Variants in LZTS1 observed in about 807,000 individuals in gnomAD.
LZTS1 encodes leucine zipper putative tumor suppressor 1.
In LZTS1, 31 loss-of-function variants were observed where a neutral mutation model predicts 45.8. The observed-to-expected ratio is 0.68, with a 90% CI of 0.51 to 0.91. The LOEUF is 0.91. LZTS1 is among the 40% of genes least tolerant of loss of function. The probability of loss-of-function intolerance (pLI) is 0.00; values close to 1 mark genes in which losing one functional copy is unlikely to be tolerated. For missense variants in LZTS1, 821 were observed against 788.9 expected (o/e 1.04, Z -0.49); for synonymous variants, 359 against 357.3 (o/e 1.00, Z -0.05).
intron 1 of LZTS1, among the ~76,000 whole-genome samples, chr8:20,290,999 C>G (rs1800891448): frequency 1.3e-5 from 2 of 152,224 alleles, no homozygotes; most frequent in Admixed American, 1.3e-4. Context: ...CAACCTTCTC[C>G]CCTCAGCTCC....
chr8:20,281,468 G>C (rs943385233), intron 1 of LZTS1, among the ~76,000 whole-genome samples: 4 of 152,264 alleles, frequency 2.6e-5, no homozygotes, highest in Middle Eastern at 3.4e-3. Flanking sequence ...AGCTACTCGG[G>C]AGGCCGAGGC....
chr8:20,298,957 G>T (rs1299268425), intron 1 of LZTS1, among the ~76,000 whole-genome samples: 1 of 152,204 alleles, frequency 6.6e-6, no homozygotes, highest in African/African-American at 2.4e-5. Context: ...ATGGCAAAAG[G>T]AGCTAACTAG....
At chr8:20,292,131 G>A (rs552805744) in intron 1 of LZTS1, among the ~76,000 whole-genome samples, 5 of 152,254 alleles carry the variant, frequency 3.3e-5, no homozygotes, top group African/African-American at 7.2e-5. Context: ...AGATGAAAAC[G>A]CCTGAGCGGG....
At position 20,301,892 on chromosome 8, in the gene LZTS1, TATAA is replaced by T. The variant is rs559842495; in HGVS notation, c.-135+1844_-135+1847del. ...ACCTCGTGAAGCACACAGCCGCTGC[TATAA>T]ATGTTAACTAACAACCATCTTCAGC... On this transcript the variant is annotated intron_variant, in intron 1 of 3. Transcript: ENST00000381569. 8.5e-5 allele frequency among the ~76,000 whole-genome samples: 13 copies of T among 152,274 alleles called. No homozygotes were observed. In the East Asian group the frequency reaches 1.2e-3, roughly 14 times the overall value.
At chr8:20,255,376 T>G in intron 1 of LZTS1, 61 bp from the exon 2 acceptor site, 1 of 1,213,604 alleles carries the variant, frequency 8.2e-7, no homozygotes, top group Non-Finnish European at 1.1e-6. Flanking sequence ...ACAGTGCTGA[T>G]TCCGACTTCC....
chr8:20,270,797 CTCTGTGTGTG>C (rs1420472646), intron 1 of LZTS1, among the ~76,000 whole-genome samples: 28 of 99,410 alleles, frequency 2.8e-4, no homozygotes, highest in South Asian at 7.5e-4. Context: ...CGAGTGTGTC[CTCTGTGTGTG>C]TGTGTGTGTG....
chr8:20,252,747 G>A (rs750425594), intron 3 of LZTS1, 35 bp downstream of exon 3: 63 of 1,479,608 alleles, frequency 4.3e-5, no homozygotes, highest in Non-Finnish European at 5.5e-5. Context: ...CCAAACCGCT[G>A]ACCACCCAAA....
intron 1 of LZTS1, among the ~76,000 whole-genome samples, chr8:20,289,642 T>G (rs1211467965): frequency 6.6e-6 from 1 of 152,210 alleles, no homozygotes; most frequent in Non-Finnish European, 1.5e-5. Context: ...TCTCCTGTCC[T>G]GGGACCTCCC....
intron 1 of LZTS1, among the ~76,000 whole-genome samples, chr8:20,264,487 C>T (rs1800307998): frequency 6.6e-6 from 1 of 152,160 alleles, no homozygotes. Flanking sequence ...AAGGCAGCGG[C>T]AGTGAGACAG....
intron 1 of LZTS1, among the ~76,000 whole-genome samples, chr8:20,281,406 A>G (rs1800689569): frequency 8.7e-5 from 1 of 11,478 alleles, no homozygotes; most frequent in Non-Finnish European, 2.8e-4. Flanking sequence ...CTAAAAATAC[A>G]AAAAAAAAAA....
At chr8:20,262,134 C>T (rs915883088) in intron 1 of LZTS1, among the ~76,000 whole-genome samples, 14 of 152,210 alleles carry the variant, frequency 9.2e-5, no homozygotes, top group African/African-American at 3.1e-4. Flanking sequence ...TTTGCAGGCC[C>T]ACAACGATGC....
chr8:20,290,120 G>A (rs1267703352), intron 1 of LZTS1: 1 of 152,220 alleles, frequency 6.6e-6, no homozygotes, highest in Non-Finnish European at 1.5e-5. Flanking sequence ...CCCCGTGTTG[G>A]TGGAGACACT....
chr8:20,280,195 G>T (rs1050540714), intron 1 of LZTS1, among the ~76,000 whole-genome samples: 2 of 152,064 alleles, frequency 1.3e-5, no homozygotes, highest in Non-Finnish European at 2.9e-5. Context: ...TCTTTCTTTC[G>T]AAGAATCGGC....
chr8:20,276,783 G>A (rs983996426), intron 1 of LZTS1, among the ~76,000 whole-genome samples: 15 of 152,194 alleles, frequency 9.9e-5, no homozygotes, highest in African/African-American at 3.4e-4. Flanking sequence ...ACATCAGAGG[G>A]TCCTCTGCAG....
Position 20,250,282 on chromosome 8 carries a change from C to T in LZTS1, c.1231G>A (p.Glu411Lys), listed in dbSNP as rs765012893. The T allele has an allele frequency of 9.3e-6, 15 of 1,613,760 alleles. No individual in the cohort carries two copies. The highest frequency in any genetic ancestry group is 3.3e-5 in the Admixed American group (2 of 60,010). Residue 411 changes from glutamate (E) to lysine (K), a missense_variant, in exon 4 of 4, where the codon GAG (glutamate) becomes AAG (lysine). By Grantham distance (56) the Glu-to-Lys change is moderately conservative. Transcript: ENST00000381569. ...SQTEVNAKAS[E>K]ILGLKAQLKD... The stretch of plus-strand genomic sequence containing the variant: ...AGCTGTGCCTTGAGACCCAGGATCT[C>T]GCTAGCCTTGGCGTTCACCTCCGTC...
At chr8:20,263,117 C>T (rs1486662207) in intron 1 of LZTS1, among the ~76,000 whole-genome samples, 1 of 152,196 alleles carries the variant, frequency 6.6e-6, no homozygotes, top group African/African-American at 2.4e-5. Flanking sequence ...CTGAGATGCT[C>T]TGTTGATTTG....
intron 1 of LZTS1, among the ~76,000 whole-genome samples, chr8:20,279,541 A>T (rs1800645757): frequency 6.6e-6 from 1 of 152,112 alleles, no homozygotes; most frequent in Non-Finnish European, 1.5e-5. Context: ...ATGTCTACAA[A>T]ACATTTTAAA....
intron 1 of LZTS1, among the ~76,000 whole-genome samples, chr8:20,259,391 G>A (rs377339667): frequency 9.3e-4 from 142 of 152,252 alleles, no homozygotes; most frequent in African/African-American, 3.0e-3. Context: ...TCAGTGCATC[G>A]GTGCTAAATG....
intron 1 of LZTS1, among the ~76,000 whole-genome samples, chr8:20,273,904 C>G (rs74682918): frequency 6.6e-6 from 1 of 151,992 alleles, no homozygotes; most frequent in African/African-American, 2.4e-5. Context: ...TCATGTCATC[C>G]GCCACCACTT....
Sources: allele counts gnomAD v4.1 joint callset (sites outside exome capture counted in the v4.1 genomes callset), GRCh38; gene constraint gnomAD v4.1.1; transcripts MANE v1.5; gene names NCBI Gene and HGNC (gene_info 2026-07-23, HGNC 2026-07-21).